NXPH1: variants seen among roughly 807,000 people sequenced by gnomAD.
NXPH1 encodes neurexophilin 1, also known as neurexophilin-1.
Under a neutral mutation model 23.7 loss-of-function variants are expected in NXPH1, and 5 were observed. The ratio of observed to expected loss-of-function variants is 0.21; its 90% CI spans 0.11 to 0.44. The LOEUF (loss-of-function observed/expected upper bound fraction) is 0.44, where lower values mean the gene tolerates loss of function less well. Ranked by LOEUF, NXPH1 falls within the 20% of genes least tolerant of loss-of-function variation. The pLI is 0.99. For missense variants in NXPH1, 324 were observed against 321.6 expected (o/e 1.01, Z -0.06); for synonymous variants, 144 against 122.2 (o/e 1.18, Z -1.18).
At chr7:8,597,498 C>G (rs139864137) in intron 2 of NXPH1, among the ~76,000 whole-genome samples, 2 of 152,084 alleles carry the variant, frequency 1.3e-5, no homozygotes, top group Non-Finnish European at 2.9e-5. Flanking sequence ...ATGAGTCATT[C>G]AGTGATATTT....
rs1174090258 is a variant in NXPH1 at position 8,654,304 on chromosome 7, T to C, written c.55-96704T>C. Among the ~76,000 whole-genome samples the C allele has an allele frequency of 3.9e-5, 6 of 152,182 alleles. No individual in the cohort carries two copies. The East Asian group carries it at 1.2e-3, about 29-fold the overall frequency. ...AGTATTTATGTTTTTAGTTGACATT[T>C]AGGAAAGGTTTTCAGCTAGAGTTAA... On this transcript the variant is annotated intron_variant, in intron 2 of 2. Transcript: ENST00000405863.
intron 2 of NXPH1, among the ~76,000 whole-genome samples, chr7:8,497,515 C>T (rs1198155114): frequency 2.0e-5 from 3 of 152,148 alleles, no homozygotes; most frequent in Non-Finnish European, 2.9e-5. Context: ...ACATCCTTTC[C>T]AGCACCTGTT....
At chr7:8,676,663 C>T (rs1275617297) in intron 2 of NXPH1, among the ~76,000 whole-genome samples, 1 of 152,154 alleles carries the variant, frequency 6.6e-6, no homozygotes, top group East Asian at 1.9e-4. Context: ...TAGAGCTTGG[C>T]TGCCTCTTTA....
At chr7:8,551,344 T>G (rs1037467964) in intron 2 of NXPH1, among the ~76,000 whole-genome samples, 1 of 151,528 alleles carries the variant, frequency 6.6e-6, no homozygotes, top group African/African-American at 2.4e-5. Flanking sequence ...CTGAGCAAAC[T>G]TGGTTAAAGC....
chr7:8,619,196 C>T (rs182975526), intron 2 of NXPH1, among the ~76,000 whole-genome samples: 1 of 151,846 alleles, frequency 6.6e-6, no homozygotes, highest in Non-Finnish European at 1.5e-5. Flanking sequence ...AGGTGGCGTG[C>T]ATTTTGAAGG....
intron 2 of NXPH1, among the ~76,000 whole-genome samples, chr7:8,742,353 G>C (rs956974196): frequency 6.6e-6 from 1 of 152,066 alleles, no homozygotes; most frequent in African/African-American, 2.4e-5. Flanking sequence ...GGCTAAAATA[G>C]TAACTATGTA....
chr7:8,440,485 G>A (rs1043721910), intron 2 of NXPH1, among the ~76,000 whole-genome samples: 2 of 152,130 alleles, frequency 1.3e-5, no homozygotes, highest in African/African-American at 4.8e-5. Context: ...TTGAATTGTT[G>A]ACGGCTATTT....
intron 2 of NXPH1, among the ~76,000 whole-genome samples, chr7:8,729,125 A>C (rs1325357085): frequency 1.3e-5 from 2 of 151,982 alleles, no homozygotes; most frequent in African/African-American, 4.8e-5. Context: ...GTTTATTTGC[A>C]TAGAGGTGTT....
intron 2 of NXPH1, among the ~76,000 whole-genome samples, chr7:8,485,115 C>T (rs967310577): frequency 2.2e-4 from 34 of 152,228 alleles, no homozygotes; most frequent in East Asian, 1.7e-3. Flanking sequence ...GGGAGGGACC[C>T]GGTGCAAGGC....
intron 2 of NXPH1, among the ~76,000 whole-genome samples, chr7:8,458,386 A>AT (rs1256867213): frequency 2.0e-5 from 3 of 152,220 alleles, no homozygotes; most frequent in South Asian, 2.1e-4. Context: ...TAGAGAAAAC[A>AT]TTCTAATACA....
Position 8,433,955 on chromosome 7 carries a change from A to T in NXPH1, c.-911A>T, listed in dbSNP as rs1816142907. ...TGAGGAATCATTCACCCACGTGCCA[A>T]AGTAATTGTCCGTGTCAGGAAGGTA... On this transcript the variant is annotated 5_prime_UTR_variant, in exon 1 of 3. Transcript: ENST00000405863. The surrounding 1 kb of genome is among the most constrained non-coding windows in gnomAD (Gnocchi z 6.8). 6.6e-6 allele frequency: 1 copy of T among 152,206 alleles called. No individual in the cohort carries two copies. Among genetic ancestry groups the T allele is most frequent in the African/African-American group, 2.4e-5 (1 of 41,434 alleles). 9.4% of individuals were successfully genotyped at this position (152,206 alleles called of 1,614,324 possible). A position where few individuals can be genotyped will look rare whatever the true frequency, so the allele number is the denominator to read the frequency against.
chr7:8,742,651 A>G (rs1780387180), intron 2 of NXPH1, among the ~76,000 whole-genome samples: 1 of 149,034 alleles, frequency 6.7e-6, no homozygotes, highest in Admixed American at 6.9e-5. Context: ...AATACTTAGG[A>G]ACAATATATA....
chr7:8,634,682 T>G (rs1189489465), intron 2 of NXPH1, among the ~76,000 whole-genome samples: 46 of 145,688 alleles, frequency 3.2e-4, no homozygotes, highest in African/African-American at 3.5e-4. Context: ...TTTTTTTTTT[T>G]TTTTTTTTTT....
At chr7:8,702,328 A>G (rs1027350052) in intron 2 of NXPH1, among the ~76,000 whole-genome samples, 2 of 152,114 alleles carry the variant, frequency 1.3e-5, no homozygotes, top group Non-Finnish European at 2.9e-5. Context: ...ATGTACAATG[A>G]TTGTGTAAAT....
At chr7:8,687,727 C>A (rs1169283367) in intron 2 of NXPH1, among the ~76,000 whole-genome samples, 1 of 152,104 alleles carries the variant, frequency 6.6e-6, no homozygotes, top group Non-Finnish European at 1.5e-5. Context: ...ATGATGATAT[C>A]TGTACATCAC....
chr7:8,555,295 G>T (rs1205130189), intron 2 of NXPH1, among the ~76,000 whole-genome samples: 1 of 151,606 alleles, frequency 6.6e-6, no homozygotes, highest in Non-Finnish European at 1.5e-5. Flanking sequence ...TATTGATATG[G>T]TCACTTTGCT....
intron 2 of NXPH1, among the ~76,000 whole-genome samples, chr7:8,662,999 G>A (rs1457086395): frequency 6.6e-6 from 1 of 152,052 alleles, no homozygotes; most frequent in East Asian, 1.9e-4. Context: ...GCTAAAGGAA[G>A]GTATGAGTGT....
intron 2 of NXPH1, among the ~76,000 whole-genome samples, chr7:8,521,195 G>T (rs1817764835): frequency 6.6e-6 from 1 of 152,158 alleles, no homozygotes; most frequent in Non-Finnish European, 1.5e-5. Flanking sequence ...ACTCTAGAGT[G>T]CTCAGACAAG....
intron 2 of NXPH1, among the ~76,000 whole-genome samples, chr7:8,724,727 CT>C (rs1780021175): frequency 6.6e-6 from 1 of 152,120 alleles, no homozygotes; most frequent in Non-Finnish European, 1.5e-5. Context: ...GATATTTTTT[CT>C]TTTAACTCCA....
Sources: gnomAD v4.1 joint callset for allele counts (sites outside exome capture counted in the v4.1 genomes callset) on GRCh38, gnomAD v4.1.1 for gene constraint, Gnocchi (gnomAD v3.1) non-coding constraint, MANE v1.5 for transcripts, NCBI Gene and HGNC (gene_info 2026-07-23, HGNC 2026-07-21) for gene names.